Variants in ASPA observed in about 807,000 individuals in gnomAD.
The protein encoded by ASPA is aspartoacylase.
In ASPA, 25 loss-of-function variants were observed where a neutral mutation model predicts 29.6. The ratio of observed to expected loss-of-function variants is 0.85; its 90% CI spans 0.62 to 1.18. ASPA has a LOEUF of 1.18. ASPA is among the 50% of genes most tolerant of loss of function. The pLI is 0.00. For missense variants in ASPA, 333 were observed against 385.7 expected, an observed-to-expected ratio of 0.86 and a Z score of 1.14; for synonymous variants, 131 against 130.3, an observed-to-expected ratio of 1.01 and a Z score of -0.04.
upstream of ASPA, chr17:3,474,220 G>A (rs980461744): frequency 6.6e-6 from 1 of 152,168 alleles, no homozygotes; most frequent in African/African-American, 2.4e-5. Context: ...TCTCAAAAAA[G>A]TTATTCATTT....
At chr17:3,496,798 G>A (rs1239167872) in intron 5 of ASPA, among the ~76,000 whole-genome samples, 8 of 152,232 alleles carry the variant, frequency 5.3e-5, no homozygotes, top group African/African-American at 1.9e-4. Flanking sequence ...CAGGAGCGGT[G>A]GCTCACGCCT....
intron 3 of ASPA, among the ~76,000 whole-genome samples, chr17:3,487,452 T>C (rs1208300218): frequency 1.3e-5 from 2 of 152,186 alleles, no homozygotes; most frequent in African/African-American, 4.8e-5. Flanking sequence ...GGGCCAAACA[T>C]ATCAGCAATG....
intron 1 of ASPA, among the ~76,000 whole-genome samples, chr17:3,479,919 T>C (rs1414759664): frequency 6.6e-6 from 1 of 152,118 alleles, no homozygotes; most frequent in Non-Finnish European, 1.5e-5. Context: ...AAATGTATCT[T>C]AACCATTGTG....
chr17:3,487,436 T>C (rs955755903), intron 3 of ASPA, among the ~76,000 whole-genome samples: 1 of 152,230 alleles, frequency 6.6e-6, no homozygotes, highest in African/African-American at 2.4e-5. Flanking sequence ...TTGGCTCAAC[T>C]TGTAAGGGCC....
intron 2 of ASPA, among the ~76,000 whole-genome samples, chr17:3,483,240 G>T (rs1316842283): frequency 6.6e-6 from 1 of 151,962 alleles, no homozygotes; most frequent in African/African-American, 2.4e-5. Flanking sequence ...TTTTGATCAT[G>T]GTTCTGGAGA....
chr17:3,477,903 C>G (rs2073555225), intron 1 of ASPA, among the ~76,000 whole-genome samples: 1 of 151,956 alleles, frequency 6.6e-6, no homozygotes, highest in Non-Finnish European at 1.5e-5. Flanking sequence ...AGATACATGG[C>G]CGGGCACAGT....
chr17:3,489,198 C>T (rs754689698), intron 3 of ASPA, 37 bp from the exon 4 acceptor site: 23 of 1,207,386 alleles, frequency 1.9e-5, no homozygotes, highest in African/African-American at 3.0e-5. Flanking sequence ...TATTTTCATA[C>T]TTATATAAAT....
At chr17:3,478,763 G>A (rs996564204) in intron 1 of ASPA, among the ~76,000 whole-genome samples, 1 of 152,050 alleles carries the variant, frequency 6.6e-6, no homozygotes, top group African/African-American at 2.4e-5. Flanking sequence ...CTCCCATCCT[G>A]CCTCTCCCAA....
chr17:3,496,608 C>T (rs1311151567), intron 5 of ASPA, among the ~76,000 whole-genome samples: 4 of 152,142 alleles, frequency 2.6e-5, no homozygotes, highest in Admixed American at 6.5e-5. Flanking sequence ...GTTCAGGACC[C>T]GGTTATGAGT....
At chr17:3,477,300 A>AT (rs1265814748) in intron 1 of ASPA, among the ~76,000 whole-genome samples, 1 of 152,234 alleles carries the variant, frequency 6.6e-6, no homozygotes, top group Non-Finnish European at 1.5e-5. Context: ...TTCAGAGCTT[A>AT]TATTTTGCTG....
intron 1 of ASPA, among the ~76,000 whole-genome samples, chr17:3,480,352 T>C (rs2073606207): frequency 6.6e-6 from 1 of 152,266 alleles, no homozygotes; most frequent in South Asian, 2.1e-4. Flanking sequence ...ATTCAGACAC[T>C]GGAATTTTTA....
At chr17:3,486,955 A>G (rs2073733282) in intron 3 of ASPA, among the ~76,000 whole-genome samples, 1 of 152,194 alleles carries the variant, frequency 6.6e-6, no homozygotes, top group Admixed American at 6.5e-5. Context: ...TAATAATTAC[A>G]CAAATAACTT....
At position 3,501,076 on chromosome 17, in the gene ASPA, G is replaced by A. The variant is rs538719633; in HGVS notation, c.*1988G>A. 2.0e-5 allele frequency: 3 copies of A among 152,110 alleles called. No homozygotes were observed. Among genetic ancestry groups the A allele is most frequent in the South Asian group, 2.1e-4 (1 of 4,812 alleles). 9.4% of individuals were successfully genotyped at this position (152,110 alleles called of 1,614,324 possible). A position where few individuals can be genotyped will look rare whatever the true frequency, so the allele number is the denominator to read the frequency against. On this transcript the variant is annotated 3_prime_UTR_variant, in exon 6 of 6. Transcript: ENST00000263080. ...GCGCCTGCTACCACGACATCCAGCCGAAGCCCATGGATCAAGGCGTCATTG... is the reference window on the plus strand; with the variant it reads ...GCGCCTGCTACCACGACATCCAGCCAAAGCCCATGGATCAAGGCGTCATTG...
chr17:3,483,656 T>G, intron 3 of ASPA, 64 bp downstream of exon 3: 1 of 1,440,302 alleles, frequency 6.9e-7, no homozygotes, highest in Non-Finnish European at 9.8e-7. Flanking sequence ...TCAGAGAAAT[T>G]TATTTTTTAT....
In ASPA at chr17:3,483,488, A is replaced by AT. The variant is rs749537498; in HGVS notation, c.433-4dup. 1.9e-6 allele frequency: 3 copies of AT among 1,612,742 alleles called. No individual in the cohort carries two copies. The highest frequency in any genetic ancestry group is 3.3e-5 in the Admixed American group (2 of 59,992). On this transcript the variant is annotated splice_polypyrimidine_tract_variant and intron_variant, in intron 2 of 5. Coordinates refer to ENST00000263080, the MANE Select transcript of ASPA (RefSeq NM_000049.4). ...TTTTTACCTAAGAAAGACGTTTTTG[A>AT]TTTTTTTCAGACTTCTCTGGCTCCA...
In ASPA at chr17:3,499,143, A is replaced by G; in HGVS notation, c.*55A>G. 6.4e-7 allele frequency: 1 copy of G among 1,562,542 alleles called. No homozygotes were observed. Among genetic ancestry groups the G allele is most frequent in the Non-Finnish European group, 8.7e-7 (1 of 1,147,110 alleles). On this transcript the variant is annotated 3_prime_UTR_variant, in exon 6 of 6. Coordinates refer to ENST00000263080, the MANE Select transcript of ASPA (RefSeq NM_000049.4). ...TGTCTTACAAATTCTGCTAGTCTGT[A>G]AGCTCCTTAAGAGTAGGGTTGTGCC...
intron 3 of ASPA, among the ~76,000 whole-genome samples, chr17:3,487,609 A>G (rs1228065724): frequency 6.6e-6 from 1 of 152,178 alleles, no homozygotes; most frequent in Non-Finnish European, 1.5e-5. Flanking sequence ...TGTTTCAGCT[A>G]ATTGCCTGTA....
At position 3,490,076 on chromosome 17, in the gene ASPA, A is replaced by G. The variant is rs569393523; in HGVS notation, c.634+734A>G. On this transcript the variant is annotated intron_variant, in intron 4 of 5. Coordinates refer to ENST00000263080, the MANE Select transcript of ASPA (RefSeq NM_000049.4). The surrounding 1 kb of genome is among the most constrained non-coding windows in gnomAD (Gnocchi z 4.6). ...CACCAATTGGCTTTAAAATAACAAT[A>G]ATAATCATCACCTTCTAGGATACAT... is the stretch of plus-strand genomic sequence containing the variant. 2.3e-4 allele frequency among the ~76,000 whole-genome samples: 35 copies of G among 152,322 alleles called. No homozygotes were observed. In the South Asian group the frequency reaches 6.2e-3, roughly 27 times the overall value.
At chr17:3,492,637 T>G (rs547418544) in intron 4 of ASPA, among the ~76,000 whole-genome samples, 1 of 152,316 alleles carries the variant, frequency 6.6e-6, no homozygotes, top group East Asian at 1.9e-4. Context: ...CTTCCTGCTC[T>G]TGGAAACCCT....
Sources: gnomAD v4.1 joint callset for allele counts (sites outside exome capture counted in the v4.1 genomes callset) on GRCh38, gnomAD v4.1.1 for gene constraint, Gnocchi (gnomAD v3.1) non-coding constraint, MANE v1.5 for transcripts, NCBI Gene and HGNC (gene_info 2026-07-23, HGNC 2026-07-21) for gene names.